ACCSL: variants seen among roughly 807,000 people sequenced by gnomAD.
ACCSL encodes the protein 1-aminocyclopropane-1-carboxylate synthase homolog (inactive) like.
A neutral mutation model predicts 61.7 loss-of-function variants in ACCSL; 55 were observed. The observed-to-expected ratio is 0.89, with a 90% confidence interval of 0.72 to 1.12. The LOEUF is 1.12. ACCSL is among the 50% of genes most tolerant of loss of function. ACCSL has a pLI of 0.00. For synonymous variants in ACCSL, 258 were observed against 264.3 expected (o/e 0.98, Z 0.23); for missense variants, 632 against 698.0 (o/e 0.91, Z 1.07).
At chr11:43,999,109 G>A in the ACCSL span, among the ~76,000 whole-genome samples, 3 of 152,120 alleles carry the variant, frequency 2.0e-5, no homozygotes, top group Admixed American at 1.3e-4. Flanking sequence ...TAACAGTTGC[G>A]AGGATGAAAT....
chr11:43,964,401 T>G, the ACCSL span, among the ~76,000 whole-genome samples: 1 of 148,970 alleles, frequency 6.7e-6, no homozygotes, highest in African/African-American at 2.5e-5. Flanking sequence ...CACGCCACTG[T>G]GCTCCAGCCT....
At chr11:43,957,857 G>A in the ACCSL span, among the ~76,000 whole-genome samples, 50 of 152,300 alleles carry the variant, frequency 3.3e-4, no homozygotes, top group Middle Eastern at 3.4e-3. Flanking sequence ...ACAACTTCCC[G>A]TCATGGCCGG....
Position 44,051,543 on chromosome 11 carries a change from A to G in ACCSL, c.706-110A>G, listed in dbSNP as rs574043783. ...GCAGCATGAAGGCCAATGTGTCCCAACTGAGGAGGCTCCCTGTGCCTGTTC... is the reference window on the plus strand; with the variant it reads ...GCAGCATGAAGGCCAATGTGTCCCAGCTGAGGAGGCTCCCTGTGCCTGTTC... On this transcript the variant is annotated intron_variant, in intron 4 of 13. Transcript: ENST00000378832. 2.6e-6 allele frequency: 4 copies of G among 1,540,226 alleles called. No homozygotes were observed. In the African/African-American group the frequency reaches 5.4e-5, roughly 21 times the overall value.
chr11:44,012,380 G>A, the ACCSL span, among the ~76,000 whole-genome samples: 16 of 151,758 alleles, frequency 1.1e-4, no homozygotes, highest in Non-Finnish European at 1.8e-4. Context: ...TCCGCCTCCC[G>A]TGTTCAAGCA....
At chr11:43,960,814 T>G in the ACCSL span, among the ~76,000 whole-genome samples, 1 of 152,078 alleles carries the variant, frequency 6.6e-6, no homozygotes, top group Non-Finnish European at 1.5e-5. Flanking sequence ...TTTTTGTGTG[T>G]TTGTTTTTTG....
At chr11:43,954,756 G>A in the ACCSL span, among the ~76,000 whole-genome samples, 3 of 152,004 alleles carry the variant, frequency 2.0e-5, no homozygotes, top group African/African-American at 7.2e-5. Context: ...GGCTAATTTT[G>A]TATTTTTTAG....
chr11:43,941,348 T>C, the ACCSL span, among the ~76,000 whole-genome samples: 1 of 152,234 alleles, frequency 6.6e-6, no homozygotes, highest in African/African-American at 2.4e-5. Flanking sequence ...GGGCCAGGAC[T>C]GTACCTTTCT....
chr11:44,017,393 ATACTCCC>A, the ACCSL span, among the ~76,000 whole-genome samples: 1 of 152,158 alleles, frequency 6.6e-6, no homozygotes. Context: ...CTCTGTGACT[ATACTCCC>A]TGTGTACAAC....
the ACCSL span, among the ~76,000 whole-genome samples, chr11:44,014,139 T>C: frequency 6.6e-6 from 1 of 152,148 alleles, no homozygotes; most frequent in Non-Finnish European, 1.5e-5. Flanking sequence ...CTGTGAAACA[T>C]ATATCCCCAC....
chr11:43,997,912 G>A, the ACCSL span, among the ~76,000 whole-genome samples: 5 of 152,228 alleles, frequency 3.3e-5, no homozygotes, highest in African/African-American at 1.2e-4. Flanking sequence ...AAATAGACAA[G>A]GGAGAAGAGG....
chr11:44,010,073 G>T, the ACCSL span, among the ~76,000 whole-genome samples: 2 of 152,234 alleles, frequency 1.3e-5, no homozygotes, highest in Non-Finnish European at 2.9e-5. Flanking sequence ...GTGTGCAATG[G>T]CTCATGCCTG....
rs1403643256 is a variant in ACCSL, at chr11:44,048,237, T to C, written c.201T>C (p.His67=). 4 of 1,614,224 alleles carry C rather than the reference T, an allele frequency of 2.5e-6. No individual in the cohort carries two copies. Among genetic ancestry groups the C allele is most frequent in the South Asian group, 1.1e-5 (1 of 91,086 alleles). ...GGCACACTGAGGCCATCTGTGAGCATGAAGCCCTTCTGAGTCGCTTAATAT... is the reference window on the plus strand; with the variant it reads ...GGCACACTGAGGCCATCTGTGAGCACGAAGCCCTTCTGAGTCGCTTAATAT... ...ERRHTEAICE[H]EALLSRLICR... Residue 67 remains histidine, a synonymous_variant, in exon 1 of 14, where the codon CAT becomes CAC. Transcript: ENST00000378832.
chr11:43,992,226 ATT>A, the ACCSL span, among the ~76,000 whole-genome samples: 1 of 151,262 alleles, frequency 6.6e-6, no homozygotes, highest in East Asian at 2.0e-4. Flanking sequence ...TAATTTTTGT[ATT>A]TTTTTTGTTG....
chr11:43,942,962 C>G, the ACCSL span: 11 of 1,484,992 alleles, frequency 7.4e-6, no homozygotes, highest in Admixed American at 7.0e-5. Context: ...GGCGGTGATG[C>G]CGCACTTCGT....
the ACCSL span, among the ~76,000 whole-genome samples, chr11:43,984,492 G>C: frequency 6.6e-6 from 1 of 152,192 alleles, no homozygotes; most frequent in Non-Finnish European, 1.5e-5. Context: ...GAAGATGGGA[G>C]TGCAGGTTAT....
chr11:43,934,333 G>A, the ACCSL span, among the ~76,000 whole-genome samples: 5 of 152,158 alleles, frequency 3.3e-5, no homozygotes, highest in Admixed American at 1.3e-4. Flanking sequence ...GGTGGAGTGC[G>A]CACCAGTGGG....
At position 44,056,327 on chromosome 11, in the gene ACCSL, G is replaced by A; in HGVS notation, c.1327+1G>A. The stretch of plus-strand genomic sequence containing the variant: ...CTGTGTCAACTGCTCCAGAACACAG[G>A]TACTGAGCTCTAGCACAGACCAGCA... On this transcript the variant is annotated splice_donor_variant, in intron 11 of 13. Transcript: ENST00000378832. LOFTEE classifies it high-confidence loss of function. The A allele has an allele frequency of 1.2e-6, 2 of 1,612,812 alleles. No homozygotes were observed. The highest frequency in any genetic ancestry group is 1.7e-6 in the Non-Finnish European group (2 of 1,179,544).
the ACCSL span, among the ~76,000 whole-genome samples, chr11:44,017,950 T>A: frequency 3.9e-5 from 6 of 152,048 alleles, no homozygotes; most frequent in African/African-American, 1.4e-4. Context: ...CAAGCAGTAA[T>A]GATTTTTCCA....
the ACCSL span, among the ~76,000 whole-genome samples, chr11:44,030,296 C>T: frequency 1.3e-5 from 2 of 151,482 alleles, no homozygotes; most frequent in Admixed American, 1.3e-4. Flanking sequence ...CACTACAAAG[C>T]CCCTTCTCCC....
Sources: allele counts gnomAD v4.1 joint callset (sites outside exome capture counted in the v4.1 genomes callset), GRCh38; gene constraint gnomAD v4.1.1; transcripts MANE v1.5; gene names NCBI Gene and HGNC (gene_info 2026-07-23, HGNC 2026-07-21).